The following RAP2A variants were observed in gnomAD, a reference collection of about 807,000 sequenced individuals.
RAP2A encodes RAP2A, member of RAS oncogene family.
A neutral mutation model predicts 15.1 loss-of-function variants in RAP2A; 5 were observed. That is an observed-to-expected ratio of 0.33 (90% confidence interval 0.17 to 0.70). The LOEUF (loss-of-function observed/expected upper bound fraction) is 0.70, where lower values mean the gene tolerates loss of function less well. Among genes scored for constraint, RAP2A ranks in the 30% least tolerant of loss-of-function variants. RAP2A has a pLI of 0.68. For missense variants in RAP2A, 111 were observed against 240.3 expected, an observed-to-expected ratio of 0.46 and a Z score of 3.56; for synonymous variants, 110 against 99.7, an observed-to-expected ratio of 1.10 and a Z score of -0.62.
chr13:97,450,741 T>C (rs1459226279), intron 1 of RAP2A, among the ~76,000 whole-genome samples: 1 of 152,188 alleles, frequency 6.6e-6, no homozygotes, highest in Non-Finnish European at 1.5e-5. Flanking sequence ...GGCTTCTATT[T>C]GCAAACACTT....
intron 1 of RAP2A, chr13:97,436,285 T>C (rs1340571612): frequency 6.6e-6 from 1 of 152,170 alleles, no homozygotes; most frequent in Non-Finnish European, 1.5e-5. Flanking sequence ...AGTATGAGGA[T>C]GGCATTTAAG....
At position 97,447,755 on chromosome 13, in the gene RAP2A, G is replaced by A. The variant is rs769627322; in HGVS notation, c.314+12971G>A. 3.3e-5 allele frequency among the ~76,000 whole-genome samples: 5 copies of A among 152,332 alleles called. No homozygotes were observed. In the South Asian group the frequency reaches 8.3e-4, roughly 25 times the overall value. On this transcript the variant is annotated intron_variant, in intron 1 of 1. Transcript: ENST00000245304. ...ACACCATGGACTACTTAAGGAAAGT[G>A]TCAGATTTGAAGACCATCACTTCAT... is the stretch of plus-strand genomic sequence containing the variant.
intron 1 of RAP2A, among the ~76,000 whole-genome samples, chr13:97,446,568 C>T (rs2066680584): frequency 6.6e-6 from 1 of 152,084 alleles, no homozygotes; most frequent in African/African-American, 2.4e-5. Context: ...TGTGTTGATC[C>T]ATAGAGTATG....
rs1288416140 is a variant in RAP2A at position 97,466,373 on chromosome 13, C to CA, written c.*1938dup. On this transcript the variant is annotated 3_prime_UTR_variant, in exon 2 of 2. Transcript: ENST00000245304. ...ATTATGAACCACCTTGTTTATAGGA[C>CA]AAAAAAATTTAACCAATTTTATTGA... 1.3e-5 allele frequency: 2 copies of CA among 151,890 alleles called. No homozygotes were observed. Among genetic ancestry groups the CA allele is most frequent in the African/African-American group, 4.8e-5 (2 of 41,372 alleles). 9.4% of individuals were successfully genotyped at this position (151,890 alleles called of 1,614,324 possible).
chr13:97,452,868 GATT>G (rs2066708511), intron 1 of RAP2A, among the ~76,000 whole-genome samples: 1 of 151,202 alleles, frequency 6.6e-6, no homozygotes. Context: ...TCTTTAACTA[GATT>G]ATTTTCAGTA....
intron 1 of RAP2A, among the ~76,000 whole-genome samples, chr13:97,452,233 A>G (rs2066704916): frequency 6.6e-6 from 1 of 151,236 alleles, no homozygotes. Flanking sequence ...CATTCTGCAT[A>G]TTTACTTCTA....
At chr13:97,457,234 T>C (rs928582592) in intron 1 of RAP2A, among the ~76,000 whole-genome samples, 1 of 151,738 alleles carries the variant, frequency 6.6e-6, no homozygotes, top group African/African-American at 2.4e-5. Context: ...ATTATAGGTA[T>C]AAACACGTGA....
At chr13:97,447,984 T>C (rs2066686543) in intron 1 of RAP2A, among the ~76,000 whole-genome samples, 1 of 152,040 alleles carries the variant, frequency 6.6e-6, no homozygotes, top group Non-Finnish European at 1.5e-5. Flanking sequence ...TTTTTTTTTT[T>C]TCTTTTTTCT....
At chr13:97,441,245 T>C (rs2066656418) in intron 1 of RAP2A, among the ~76,000 whole-genome samples, 1 of 152,082 alleles carries the variant, frequency 6.6e-6, no homozygotes, top group Admixed American at 6.6e-5. Flanking sequence ...TAGTTAAGAT[T>C]TGATAATTGT....
Position 97,464,706 on chromosome 13 carries a change from A to AT in RAP2A, c.*267dup. On this transcript the variant is annotated 3_prime_UTR_variant, in exon 2 of 2. Transcript: ENST00000245304. ...GTCCATCGATCTACAGGGTGATCTCATTTGAAAGCTATGATGGCATTGTCG... is the reference window on the plus strand; with the variant it reads ...GTCCATCGATCTACAGGGTGATCTCATTTTGAAAGCTATGATGGCATTGTCG... The AT allele has an allele frequency of 2.2e-6, 1 of 446,648 alleles. No individual in the cohort carries two copies. 27.7% of individuals were successfully genotyped at this position (446,648 alleles called of 1,614,324 possible). A position where few individuals can be genotyped will look rare whatever the true frequency, so the allele number is the denominator to read the frequency against.
chr13:97,454,428 T>C (rs1208097193), intron 1 of RAP2A, among the ~76,000 whole-genome samples: 1 of 151,218 alleles, frequency 6.6e-6, no homozygotes, highest in Non-Finnish European at 1.5e-5. Flanking sequence ...TCTAATTTTT[T>C]ATATTTTATC....
At chr13:97,457,265 T>C (rs1303761864) in intron 1 of RAP2A, among the ~76,000 whole-genome samples, 1 of 151,678 alleles carries the variant, frequency 6.6e-6, no homozygotes, top group African/African-American at 2.4e-5. Context: ...TATATACATA[T>C]ATATATATAA....
At position 97,468,884 on chromosome 13, in the gene RAP2A, A is replaced by G. The variant is rs2066783706; in HGVS notation, c.*4442A>G. The G allele has an allele frequency of 1.3e-5, 2 of 152,208 alleles. No individual in the cohort carries two copies. Among genetic ancestry groups the G allele is most frequent in the Admixed American group, 1.3e-4 (2 of 15,274 alleles). The allele number at this position is 152,208 out of a possible 1,614,324, so 9.4% of individuals were successfully genotyped here. ...CTGTTAGAGGTCCACGAATGAAAAT[A>G]TATGTAGCTAAAGGAGTAAGGTGCT... On this transcript the variant is annotated 3_prime_UTR_variant, in exon 2 of 2. Coordinates refer to ENST00000245304, the MANE Select transcript of RAP2A (RefSeq NM_021033.7).
intron 1 of RAP2A, among the ~76,000 whole-genome samples, chr13:97,451,428 C>T (rs1416608394): frequency 6.6e-6 from 1 of 152,086 alleles, no homozygotes; most frequent in Admixed American, 6.6e-5. Context: ...ATGAGTCATG[C>T]CTAGTAATGA....
chr13:97,436,258 A>G (rs1172312035), intron 1 of RAP2A: 2 of 151,854 alleles, frequency 1.3e-5, no homozygotes, highest in Non-Finnish European at 2.9e-5. Context: ...GAGATGAACA[A>G]TTCTGGTGTT....
intron 1 of RAP2A, among the ~76,000 whole-genome samples, chr13:97,443,029 A>T (rs2066664631): frequency 6.6e-6 from 1 of 152,198 alleles, no homozygotes; most frequent in Non-Finnish European, 1.5e-5. Flanking sequence ...CTTAGAACAG[A>T]GAAAGGGAGG....
intron 1 of RAP2A, among the ~76,000 whole-genome samples, chr13:97,457,801 A>C (rs1303099352): frequency 6.6e-6 from 1 of 152,304 alleles, no homozygotes; most frequent in East Asian, 1.9e-4. Flanking sequence ...GAATTAAAAA[A>C]ATGTTTTTTT....
At chr13:97,462,976 C>T (rs2066754295) in intron 1 of RAP2A, among the ~76,000 whole-genome samples, 1 of 150,216 alleles carries the variant, frequency 6.7e-6, no homozygotes, top group Non-Finnish European at 1.5e-5. Context: ...CATCCTGCCT[C>T]AAAGGCTTGA....
intron 1 of RAP2A, among the ~76,000 whole-genome samples, chr13:97,438,664 C>G (rs1390215770): frequency 6.6e-6 from 1 of 152,122 alleles, no homozygotes; most frequent in Non-Finnish European, 1.5e-5. Context: ...CCTGTCTTCC[C>G]TTACTAAACT....
Sources: gnomAD v4.1 joint callset for allele counts (sites outside exome capture counted in the v4.1 genomes callset) on GRCh38, gnomAD v4.1.1 for gene constraint, MANE v1.5 for transcripts, NCBI Gene and HGNC (gene_info 2026-07-23, HGNC 2026-07-21) for gene names.